Variants in KCNQ5 observed in about 807,000 individuals in gnomAD.
KCNQ5 encodes the protein potassium voltage-gated channel subfamily Q member 5.
Under a neutral mutation model 98.2 loss-of-function variants are expected in KCNQ5, and 30 were observed. The observed-to-expected ratio is 0.31, with a 90% CI of 0.23 to 0.41. KCNQ5 has a LOEUF of 0.41. KCNQ5 is among the 10% of genes least tolerant of loss of function. The probability of loss-of-function intolerance (pLI) is 1.00; values close to 1 mark genes in which losing one functional copy is unlikely to be tolerated. For missense variants in KCNQ5, 835 were observed against 1,182.5 expected (o/e 0.71, Z 4.31); for synonymous variants, 458 against 449.4 (o/e 1.02, Z -0.24).
chr6:73,026,570 C>G (rs967806148), intron 2 of KCNQ5, among the ~76,000 whole-genome samples: 7 of 152,116 alleles, frequency 4.6e-5, no homozygotes, highest in African/African-American at 1.7e-4. Context: ...TTCCAATGCT[C>G]TATCTTTCTG....
chr6:72,898,233 A>T (rs1779329273), intron 1 of KCNQ5, among the ~76,000 whole-genome samples: 1 of 152,030 alleles, frequency 6.6e-6, no homozygotes, highest in Non-Finnish European at 1.5e-5. Context: ...TATGTGTGCC[A>T]TGGTGGTTTG....
chr6:72,987,919 A>G (rs1354245827), intron 1 of KCNQ5, among the ~76,000 whole-genome samples: 1 of 152,194 alleles, frequency 6.6e-6, no homozygotes, highest in East Asian at 1.9e-4. Context: ...AACACTAGGC[A>G]TAAGTGGGTT....
Position 72,906,862 on chromosome 6 carries a change from C to T in KCNQ5, c.399-97046C>T, listed in dbSNP as rs538064335. Among the ~76,000 whole-genome samples, 12 of 152,282 alleles carry T rather than the reference C, an allele frequency of 7.9e-5. No individual in the cohort carries two copies. The South Asian group carries it at 2.5e-3, about 32-fold the overall frequency. ...TGGGGCAAAAATTCAAGATATAAGC[C>T]TCCACACACTGCTTCATCCATCAGA... On this transcript the variant is annotated intron_variant, in intron 1 of 13. Transcript: ENST00000370398.
intron 5 of KCNQ5, among the ~76,000 whole-genome samples, chr6:73,097,976 C>T (rs1346708978): frequency 6.6e-6 from 1 of 152,126 alleles, no homozygotes; most frequent in Non-Finnish European, 1.5e-5. Context: ...CAGACACTGA[C>T]AAACACCACA....
At chr6:72,977,828 C>T (rs1024157430) in intron 1 of KCNQ5, among the ~76,000 whole-genome samples, 2 of 152,080 alleles carry the variant, frequency 1.3e-5, no homozygotes, top group East Asian at 1.9e-4. Flanking sequence ...CCATCTTTCC[C>T]GCTATAATGT....
At chr6:72,814,960 A>C (rs2150108251) in intron 1 of KCNQ5, among the ~76,000 whole-genome samples, 2 of 152,332 alleles carry the variant, frequency 1.3e-5, no homozygotes, top group South Asian at 4.1e-4. Flanking sequence ...TGTGCATAGA[A>C]TCTTATCAGC....
At chr6:73,019,066 C>T (rs953402337) in intron 2 of KCNQ5, among the ~76,000 whole-genome samples, 4 of 152,144 alleles carry the variant, frequency 2.6e-5, no homozygotes, top group Admixed American at 1.3e-4. Flanking sequence ...CCTCTGTCTA[C>T]CTGTGATATA....
At chr6:72,663,181 A>C (rs1766615996) in intron 1 of KCNQ5, among the ~76,000 whole-genome samples, 1 of 152,076 alleles carries the variant, frequency 6.6e-6, no homozygotes, top group African/African-American at 2.4e-5. Flanking sequence ...AGAAATACCT[A>C]ATGTAGGTGA....
rs562822682 is a variant in KCNQ5, at chr6:73,111,688, G to A, written c.1125+285G>A. 3.3e-5 allele frequency among the ~76,000 whole-genome samples: 5 copies of A among 152,292 alleles called. No homozygotes were observed. The South Asian group carries it at 1.0e-3, about 32-fold the overall frequency. Reference sequence around the variant, plus strand: ...AAGGTTAGCAGTTGTGTGGCTCGTGGAATTATCTAATATGTCTTATGAATT... The same window carrying A: ...AAGGTTAGCAGTTGTGTGGCTCGTGAAATTATCTAATATGTCTTATGAATT... On this transcript the variant is annotated intron_variant, in intron 7 of 13. Transcript: ENST00000370398.
intron 1 of KCNQ5, among the ~76,000 whole-genome samples, chr6:72,927,548 C>T (rs548994318): frequency 1.3e-5 from 2 of 152,012 alleles, no homozygotes; most frequent in South Asian, 2.1e-4. Flanking sequence ...TTCAGTGTCT[C>T]ACAACAGAAT....
chr6:73,146,224 A>G (rs548718847), intron 10 of KCNQ5, among the ~76,000 whole-genome samples: 1 of 152,240 alleles, frequency 6.6e-6, no homozygotes, highest in Admixed American at 6.5e-5. Context: ...AAGGAAACAG[A>G]TCTCGTTCTT....
At chr6:72,846,514 G>A (rs1298532993) in intron 1 of KCNQ5, among the ~76,000 whole-genome samples, 16 of 138,312 alleles carry the variant, frequency 1.2e-4, no homozygotes, top group Non-Finnish European at 1.9e-4. Context: ...TCTCTACAGG[G>A]GAAAAAAAAA....
At chr6:73,039,012 T>C (rs1354547699) in intron 2 of KCNQ5, among the ~76,000 whole-genome samples, 1 of 152,170 alleles carries the variant, frequency 6.6e-6, no homozygotes, top group Non-Finnish European at 1.5e-5. Context: ...ATGAGTTCAA[T>C]TGCTTTAGCG....
At chr6:72,907,779 G>T (rs978706068) in intron 1 of KCNQ5, among the ~76,000 whole-genome samples, 2 of 151,978 alleles carry the variant, frequency 1.3e-5, no homozygotes, top group Non-Finnish European at 2.9e-5. Context: ...GGCAAAATAG[G>T]TTAGCTGAGG....
intron 1 of KCNQ5, among the ~76,000 whole-genome samples, chr6:72,830,691 T>C (rs952088187): frequency 5.9e-5 from 9 of 152,260 alleles, no homozygotes; most frequent in Admixed American, 5.9e-4. Context: ...ATCTCATGTC[T>C]AAAACACCAA....
chr6:73,187,209 G>A (rs571588739), intron 11 of KCNQ5, among the ~76,000 whole-genome samples: 187 of 151,992 alleles, frequency 1.2e-3, no homozygotes, highest in African/African-American at 4.0e-3. Flanking sequence ...ACAGGTGCCC[G>A]TCACCACACC....
intron 1 of KCNQ5, among the ~76,000 whole-genome samples, chr6:72,739,732 A>G (rs1319860771): frequency 6.6e-6 from 1 of 152,194 alleles, no homozygotes; most frequent in Non-Finnish European, 1.5e-5. Context: ...AGGACTGAGG[A>G]ACTGTTAATT....
rs961095598 is a variant in KCNQ5 at position 72,622,747 on chromosome 6, C to T, written c.398+160C>T. Among the ~76,000 whole-genome samples the T allele has an allele frequency of 6.6e-6, 1 of 152,150 alleles. No individual in the cohort carries two copies. The highest frequency in any genetic ancestry group is 1.5e-5 in the Non-Finnish European group (1 of 68,010). On this transcript the variant is annotated intron_variant, in intron 1 of 13. Transcript: ENST00000370398. The surrounding 1 kb of genome is among the most constrained non-coding windows in gnomAD (Gnocchi z 6.0). Reference sequence around the variant, plus strand: ...TCGTGGTCTTCCTTCTGGAGCCTCTCCCCTCCCCCAGCCCCACTTCTCTCA... The same window carrying T: ...TCGTGGTCTTCCTTCTGGAGCCTCTTCCCTCCCCCAGCCCCACTTCTCTCA...
chr6:72,651,551 T>C (rs545476485), intron 1 of KCNQ5, among the ~76,000 whole-genome samples: 1 of 152,224 alleles, frequency 6.6e-6, no homozygotes, highest in Admixed American at 6.6e-5. Context: ...ACTTGTTAAA[T>C]TGTTGGACAA....
Sources: gnomAD v4.1 joint callset for allele counts (sites outside exome capture counted in the v4.1 genomes callset) on GRCh38, gnomAD v4.1.1 for gene constraint, Gnocchi (gnomAD v3.1) non-coding constraint, MANE v1.5 for transcripts, NCBI Gene and HGNC (gene_info 2026-07-23, HGNC 2026-07-21) for gene names.